The following INTS10 variants were observed in gnomAD, a reference collection of about 807,000 sequenced individuals.
The protein encoded by INTS10 is chromosome 8 open reading frame 35.
In INTS10, 44 loss-of-function variants were observed where a neutral mutation model predicts 94.4. The observed-to-expected ratio is 0.47, with a 90% CI of 0.37 to 0.60. The LOEUF is 0.60. Ranked by LOEUF, INTS10 falls within the 20% of genes least tolerant of loss-of-function variation. The pLI is 0.00. For synonymous variants in INTS10, 341 were observed against 320.7 expected, an observed-to-expected ratio of 1.06 and a Z score of -0.68; for missense variants, 797 against 868.7, an observed-to-expected ratio of 0.92 and a Z score of 1.04.
rs921506169 is a variant in INTS10, at chr8:19,817,455, C to CGGCGGT, written c.-79_-74dup. ...GCCTCCCCCGCGGTGGCGGCGGCGG[C>CGGCGGT]GGCGGTGGCTGCCGTGGCGGCTGAG... On this transcript the variant is annotated 5_prime_UTR_variant, in exon 1 of 17. Coordinates refer to ENST00000397977, the MANE Select transcript of INTS10 (RefSeq NM_018142.4). The CGGCGGT allele has an allele frequency of 6.6e-6, 10 of 1,524,716 alleles. No homozygotes were observed. The highest frequency in any genetic ancestry group is 4.8e-5 in the East Asian group (2 of 42,018). 94.4% of individuals were successfully genotyped at this position (1,524,716 alleles called of 1,614,324 possible). A position where few individuals can be genotyped will look rare whatever the true frequency, so the allele number is the denominator to read the frequency against.
At chr8:19,819,438 T>C (rs1417240535) in intron 2 of INTS10, 135 bp from the exon 3 acceptor site, 1 of 545,522 alleles carries the variant, frequency 1.8e-6, no homozygotes, top group East Asian at 3.0e-5. Flanking sequence ...TTTACATTTT[T>C]ATTTTGGTTT....
chr8:19,833,258 C>G lies in INTS10; in HGVS notation c.1467C>G (p.Thr489=). 1 of 1,612,844 alleles carries G rather than the reference C, an allele frequency of 6.2e-7. No homozygotes were observed. The highest frequency in any genetic ancestry group is 8.5e-7 in the Non-Finnish European group (1 of 1,179,380). The change falls in exon 12 of 17, where the codon ACC becomes ACG. Residue 489 remains threonine, a synonymous_variant. Coordinates refer to ENST00000397977, the MANE Select transcript of INTS10 (RefSeq NM_018142.4). ...AGCCACAGATCACAGGGCAGGGGAC[C>G]CTGGAGCATCAGAGGGCGCTCATCC... ...ISQPQITGQG[T]LEHQRALIQL...
At chr8:19,817,788 T>TTCTCCCCTCCCACCCCCTCCTC in intron 1 of INTS10, 122 bp downstream of exon 1, 1 of 1,287,314 alleles carries the variant, frequency 7.8e-7, no homozygotes, top group Non-Finnish European at 1.1e-6. Flanking sequence ...GCCCCCTGCT[T>TTCTCCCCTCCCACCCCCTCCTC]TCTCCCCTCC....
chr8:19,845,664 A>T lies in INTS10; in HGVS notation c.1883-40A>T, dbSNP rs753020028. The T allele has an allele frequency of 6.2e-6, 9 of 1,447,610 alleles. 1 individual carries two copies. Among genetic ancestry groups the T allele is most frequent in the Non-Finnish European group, 8.8e-6 (9 of 1,028,438 alleles). The allele number at this position is 1,447,610 out of a possible 1,614,324, so 89.7% of individuals were successfully genotyped here. ...CATTTCCTCATCAGAGAAAACTAGC[A>T]CCTTTTTTTACATGTGGTTAACCTG... On this transcript the variant is annotated intron_variant, in intron 15 of 16. Transcript: ENST00000397977.
At chr8:19,831,916 T>C (rs1235593895) in intron 10 of INTS10, 112 bp from the exon 11 acceptor site, 3 of 696,930 alleles carry the variant, frequency 4.3e-6, no homozygotes, top group Admixed American at 2.1e-5. Context: ...AAGTCAAAGT[T>C]ACTATACATT....
chr8:19,841,890 C>T (rs989423371), intron 13 of INTS10: 14 of 453,768 alleles, frequency 3.1e-5, no homozygotes, highest in Middle Eastern at 3.3e-4. Flanking sequence ...TATTTTAAGA[C>T]GACATCTCAG....
At chr8:19,836,069 G>C (rs144147458) in intron 12 of INTS10, among the ~76,000 whole-genome samples, 2 of 151,906 alleles carry the variant, frequency 1.3e-5, no homozygotes, top group Non-Finnish European at 2.9e-5. Flanking sequence ...CCTAGATGAC[G>C]GGTTGATAGG....
rs535598452 is a variant in INTS10 at position 19,849,541 on chromosome 8, T to C, written c.1977-2108T>C. ...AGCTTAGGTGCACCATGATTCTCTTTTGATAAAACGTTAAGGCTTTCGGTC... is the reference window on the plus strand; with the variant it reads ...AGCTTAGGTGCACCATGATTCTCTTCTGATAAAACGTTAAGGCTTTCGGTC... On this transcript the variant is annotated intron_variant, in intron 16 of 16. Coordinates refer to ENST00000397977, the MANE Select transcript of INTS10 (RefSeq NM_018142.4). This position sits in a 1 kb window ranked among gnomAD's most constrained non-coding sequence, Gnocchi z 4.6. Among the ~76,000 whole-genome samples the C allele has an allele frequency of 1.4e-3, 213 of 152,336 alleles. No individual in the cohort carries two copies. Among genetic ancestry groups the C allele is most frequent in the African/African-American group, 4.9e-3 (204 of 41,572 alleles).
intron 12 of INTS10, among the ~76,000 whole-genome samples, chr8:19,834,666 C>A (rs2128785191): frequency 1.3e-5 from 2 of 152,274 alleles, no homozygotes; most frequent in Admixed American, 1.3e-4. Context: ...GGCCTATGGG[C>A]AGTGTCAGAC....
rs757790467 is a variant in INTS10, at chr8:19,832,136, A to G, written c.1377+26A>G. ...GTAGAGTATTATACATATTTTAGGTACCTGTGTCTGTACAGCATGGCTATG... is the reference window on the plus strand; with the variant it reads ...GTAGAGTATTATACATATTTTAGGTGCCTGTGTCTGTACAGCATGGCTATG... On this transcript the variant is annotated intron_variant, in intron 11 of 16. Transcript: ENST00000397977. The G allele has an allele frequency of 3.2e-6, 4 of 1,248,448 alleles. No individual in the cohort carries two copies. The African/African-American group carries it at 5.9e-5, about 18-fold the overall frequency. The allele number at this position is 1,248,448 out of a possible 1,614,324, so 77.3% of individuals were successfully genotyped here. A position where few individuals can be genotyped will look rare whatever the true frequency, so the allele number is the denominator to read the frequency against.
At chr8:19,831,578 T>C (rs1011265910) in intron 10 of INTS10, among the ~76,000 whole-genome samples, 1 of 152,216 alleles carries the variant, frequency 6.6e-6, no homozygotes, top group African/African-American at 2.4e-5. Flanking sequence ...TAGTGCCAGC[T>C]ATTCAGGAAG....
intron 6 of INTS10, 96 bp downstream of exon 6, chr8:19,823,537 A>G (rs959911784): frequency 6.8e-6 from 6 of 876,366 alleles, no homozygotes; most frequent in Admixed American, 2.4e-5. Context: ...TCCTCTGGAT[A>G]CTTACCAGTT....
chr8:19,819,508 G>GT, intron 2 of INTS10, 65 bp from the exon 3 acceptor site: 1 of 1,267,808 alleles, frequency 7.9e-7, no homozygotes. Flanking sequence ...AAATGCTAAC[G>GT]TTTTTTCTTT....
At chr8:19,833,451 T>C in intron 12 of INTS10, 130 bp downstream of exon 12, 1 of 599,324 alleles carries the variant, frequency 1.7e-6, no homozygotes, top group Non-Finnish European at 2.5e-6. Context: ...ATTTATTACT[T>C]AATCTGCTAG....
intron 5 of INTS10, 114 bp from the exon 6 acceptor site, chr8:19,823,187 T>C (rs1460754486): frequency 9.2e-6 from 7 of 760,586 alleles, no homozygotes; most frequent in African/African-American, 8.7e-5. Flanking sequence ...AAGGGATTTT[T>C]CCCCCTATAT....
rs1401441604 is a variant in INTS10, at chr8:19,849,925, A to G, written c.1977-1724A>G. 6.6e-6 allele frequency among the ~76,000 whole-genome samples: 1 copy of G among 152,120 alleles called. No individual in the cohort carries two copies. The highest frequency in any genetic ancestry group is 1.5e-5 in the Non-Finnish European group (1 of 68,022). On this transcript the variant is annotated intron_variant, in intron 16 of 16. Coordinates refer to ENST00000397977, the MANE Select transcript of INTS10 (RefSeq NM_018142.4). The surrounding 1 kb of genome is among the most constrained non-coding windows in gnomAD (Gnocchi z 4.6). ...TAATACAAATTGGACCCTGATCTGC[A>G]GGATGTAGCATTTAGTTATATTTTT...
intron 4 of INTS10, 32 bp downstream of exon 4, chr8:19,820,550 T>G (rs763076048): frequency 6.3e-7 from 1 of 1,586,960 alleles, no homozygotes; most frequent in South Asian, 1.1e-5. Flanking sequence ...TCTTTTAATA[T>G]AAAATACAAT....
chr8:19,821,923 A>G (rs151120140), intron 4 of INTS10: 2,621 of 152,670 alleles, frequency 0.017, 42 homozygotes, highest in Middle Eastern at 0.034. Flanking sequence ...GGGACCGTCT[A>G]CTATGCTAAG....
chr8:19,833,447 T>G, intron 12 of INTS10, 126 bp downstream of exon 12: 1 of 618,686 alleles, frequency 1.6e-6, no homozygotes, highest in East Asian at 3.4e-5. Context: ...CTAGATTTAT[T>G]ACTTAATCTG....
Sources: gnomAD v4.1 joint callset for allele counts (sites outside exome capture counted in the v4.1 genomes callset) on GRCh38, gnomAD v4.1.1 for gene constraint, Gnocchi (gnomAD v3.1) non-coding constraint, MANE v1.5 for transcripts, NCBI Gene and HGNC (gene_info 2026-07-23, HGNC 2026-07-21) for gene names.